INSC: variants seen among roughly 807,000 people sequenced by gnomAD.
INSC encodes the protein protein inscuteable homolog.
A neutral mutation model predicts 58.6 loss-of-function variants in INSC; 67 were observed. The observed-to-expected ratio is 1.14, with a 90% CI of 0.94 to 1.40. INSC has a LOEUF of 1.40. Ranked by LOEUF, INSC falls within the 40% of genes most tolerant of loss-of-function variation. The probability of loss-of-function intolerance (pLI) is 0.00; values close to 1 mark genes in which losing one functional copy is unlikely to be tolerated. For synonymous variants in INSC, 262 were observed against 276.1 expected, an observed-to-expected ratio of 0.95 and a Z score of 0.51; for missense variants, 714 against 692.0, an observed-to-expected ratio of 1.03 and a Z score of -0.36.
At chr11:15,231,173 C>A (rs933054144) in intron 9 of INSC, among the ~76,000 whole-genome samples, 6 of 152,220 alleles carry the variant, frequency 3.9e-5, no homozygotes, top group African/African-American at 1.4e-4. Flanking sequence ...AGAGATCCAC[C>A]TTTCTTCCCT....
intron 1 of INSC, among the ~76,000 whole-genome samples, chr11:15,130,334 A>G (rs1006581754): frequency 1.3e-5 from 2 of 152,234 alleles, no homozygotes; most frequent in South Asian, 4.1e-4. Context: ...ATTATTCTTC[A>G]TCTGTTGAGA....
At chr11:15,259,566 G>A in the INSC span, among the ~76,000 whole-genome samples, 1 of 152,156 alleles carries the variant, frequency 6.6e-6, no homozygotes, top group African/African-American at 2.4e-5. Flanking sequence ...TCCACTTTTA[G>A]ATGAGAGTTA....
intron 10 of INSC, 140 bp from the exon 11 acceptor site, chr11:15,238,779 C>T: frequency 5.3e-6 from 4 of 757,728 alleles, no homozygotes; most frequent in Non-Finnish European, 8.5e-6. Context: ...ACAGCCTTGT[C>T]CAGCTTCCTC....
intron 1 of INSC, among the ~76,000 whole-genome samples, chr11:15,123,458 A>G (rs968091538): frequency 6.6e-6 from 1 of 152,228 alleles, no homozygotes; most frequent in Admixed American, 6.5e-5. Context: ...CTGAGTAACC[A>G]GATAGATGAT....
intron 7 of INSC, among the ~76,000 whole-genome samples, chr11:15,217,360 A>G (rs2133921025): frequency 6.6e-6 from 1 of 152,344 alleles, no homozygotes; most frequent in Admixed American, 6.5e-5. Context: ...TATGGGAACT[A>G]CAGTTCAAGG....
intron 5 of INSC, among the ~76,000 whole-genome samples, chr11:15,186,842 C>T (rs1181520672): frequency 6.6e-6 from 1 of 152,024 alleles, no homozygotes; most frequent in East Asian, 1.9e-4. Context: ...GTGGTCTTTT[C>T]CTGTGTTCCG....
intron 9 of INSC, among the ~76,000 whole-genome samples, chr11:15,231,755 T>C (rs1172016874): frequency 6.6e-6 from 1 of 152,242 alleles, no homozygotes; most frequent in Admixed American, 6.5e-5. Flanking sequence ...TTGTTGAAAG[T>C]TCTTTAGATC....
chr11:15,176,112 G>T, intron 3 of INSC, 26 bp downstream of exon 3: 4 of 1,472,780 alleles, frequency 2.7e-6, no homozygotes, highest in Non-Finnish European at 3.6e-6. Context: ...ATAGGAGTGG[G>T]CGGGAACTGG....
intron 7 of INSC, among the ~76,000 whole-genome samples, chr11:15,207,805 T>G (rs895886629): frequency 2.0e-5 from 3 of 152,220 alleles, no homozygotes; most frequent in African/African-American, 7.2e-5. Context: ...TTTAATCAGT[T>G]TTTCTCACCA....
chr11:15,214,387 A>C (rs1851137375), intron 7 of INSC, among the ~76,000 whole-genome samples: 1 of 152,182 alleles, frequency 6.6e-6, no homozygotes, highest in Admixed American at 6.5e-5. Flanking sequence ...TTTAATTGTT[A>C]CAATCCAGAA....
intron 7 of INSC, among the ~76,000 whole-genome samples, chr11:15,204,586 G>T (rs200385405): frequency 1.3e-5 from 2 of 152,242 alleles, no homozygotes; most frequent in Admixed American, 6.5e-5. Flanking sequence ...GCCATTGTCA[G>T]TGTTGAGGAT....
chr11:15,117,387 T>A (rs1847757070), intron 1 of INSC, among the ~76,000 whole-genome samples: 1 of 152,122 alleles, frequency 6.6e-6, no homozygotes, highest in Admixed American at 6.5e-5. Context: ...TTTGGCCTGA[T>A]CCTACACCTG....
intron 1 of INSC, among the ~76,000 whole-genome samples, chr11:15,144,189 A>G (rs964835203): frequency 1.2e-4 from 19 of 152,346 alleles, no homozygotes; most frequent in Middle Eastern, 3.4e-3. Flanking sequence ...GCAAAGGGAT[A>G]TTTCTCAAAT....
the INSC span, among the ~76,000 whole-genome samples, chr11:15,266,351 T>A: frequency 6.6e-6 from 1 of 151,996 alleles, no homozygotes; most frequent in Admixed American, 6.6e-5. Context: ...AGGAACTGCA[T>A]TGGCCTTCAT....
chr11:15,115,500 A>G (rs527329794), intron 1 of INSC, among the ~76,000 whole-genome samples: 27 of 152,310 alleles, frequency 1.8e-4, no homozygotes, highest in African/African-American at 2.4e-4. Flanking sequence ...TCTGTGGGTC[A>G]TTCAGCTTTG....
At chr11:15,197,089 C>T (rs1850399404) in intron 6 of INSC, among the ~76,000 whole-genome samples, 1 of 152,216 alleles carries the variant, frequency 6.6e-6, no homozygotes. Flanking sequence ...TTTGATATGT[C>T]ATAATTATAA....
At chr11:15,164,081 T>A (rs1395331571) in intron 2 of INSC, among the ~76,000 whole-genome samples, 1 of 152,190 alleles carries the variant, frequency 6.6e-6, no homozygotes, top group Non-Finnish European at 1.5e-5. Context: ...TTCCTGTTTT[T>A]TATAATTTCC....
upstream of INSC, among the ~76,000 whole-genome samples, chr11:15,113,559 C>T (rs1847625051): frequency 6.6e-6 from 1 of 152,172 alleles, no homozygotes; most frequent in Non-Finnish European, 1.5e-5. Flanking sequence ...TAATGCCCAG[C>T]CAGGCGGCAC....
intron 10 of INSC, among the ~76,000 whole-genome samples, chr11:15,237,993 C>G (rs2133973844): frequency 6.6e-6 from 1 of 152,222 alleles, no homozygotes; most frequent in East Asian, 1.9e-4. Flanking sequence ...GGCTTAAGTT[C>G]TAAGCTGGCA....
Sources: gnomAD v4.1 joint callset for allele counts (sites outside exome capture counted in the v4.1 genomes callset) on GRCh38, gnomAD v4.1.1 for gene constraint, MANE v1.5 for transcripts, NCBI Gene and HGNC (gene_info 2026-07-23, HGNC 2026-07-21) for gene names.